The following CHMP3 variants were observed in gnomAD, a reference collection of about 807,000 sequenced individuals.
CHMP3 encodes 25.1 protein.
A neutral mutation model predicts 27.4 loss-of-function variants in CHMP3; 8 were observed. The ratio of observed to expected loss-of-function variants is 0.29; its 90% CI spans 0.17 to 0.53. The LOEUF is 0.53. Among genes scored for constraint, CHMP3 ranks in the 20% least tolerant of loss-of-function variants. CHMP3 has a pLI of 0.96. For synonymous variants in CHMP3, 86 were observed against 85.5 expected (o/e 1.01, Z -0.03); for missense variants, 208 against 271.5 (o/e 0.77, Z 1.64).
chr2:86,554,521 T>G (rs1294767364), intron 1 of CHMP3, among the ~76,000 whole-genome samples: 1 of 152,210 alleles, frequency 6.6e-6, no homozygotes, highest in African/African-American at 2.4e-5. Flanking sequence ...CCTCTAAGAC[T>G]GGCAAAAGTC....
intron 1 of CHMP3, among the ~76,000 whole-genome samples, chr2:86,548,179 C>CTTTTTTTTTT (rs55949258): frequency 1.7e-5 from 2 of 116,070 alleles, no homozygotes; most frequent in Admixed American, 8.8e-5. Flanking sequence ...GAGGAGTTCT[C>CTTTTTTTTTT]TTTTTTTTTT....
At chr2:86,540,147 A>G (rs1432769178) in intron 2 of CHMP3, among the ~76,000 whole-genome samples, 1 of 152,000 alleles carries the variant, frequency 6.6e-6, no homozygotes, top group African/African-American at 2.4e-5. Context: ...TTTGGTTTTC[A>G]GTAATTTGAT....
intron 4 of CHMP3, among the ~76,000 whole-genome samples, chr2:86,509,009 A>C (rs762874793): frequency 1.3e-5 from 2 of 152,232 alleles, no homozygotes; most frequent in Non-Finnish European, 2.9e-5. Flanking sequence ...ACGATTCATC[A>C]AAGTCCTGCT....
rs943434226 is a variant in CHMP3 at position 86,556,460 on chromosome 2, G to A, written c.45+6844C>T. On this transcript the variant is annotated intron_variant, in intron 1 of 5. Transcript: ENST00000263856. ...TTGTAGGAGATCGGTCAGGGTGGTG[G>A]GAAAAATTGTAAAAAGATGCAAAGC... is the stretch of plus-strand genomic sequence containing the variant. Among the ~76,000 whole-genome samples the A allele has an allele frequency of 2.0e-5, 3 of 152,102 alleles. No homozygotes were observed. In the East Asian group the frequency reaches 5.8e-4, roughly 29 times the overall value.
At chr2:86,546,362 G>A (rs1056338453) in intron 1 of CHMP3, among the ~76,000 whole-genome samples, 114 of 142,786 alleles carry the variant, frequency 8.0e-4, no homozygotes, top group Non-Finnish European at 1.5e-3. Context: ...GAGACCCGAA[G>A]GGAGGGGAAG....
chr2:86,507,280 T>TA, intron 5 of CHMP3, 199 bp downstream of exon 5: 1 of 534,524 alleles, frequency 1.9e-6, no homozygotes, highest in South Asian at 2.2e-5. Flanking sequence ...ATGCAAACTC[T>TA]AAAAATTTTA....
intron 1 of CHMP3, among the ~76,000 whole-genome samples, chr2:86,558,870 G>GAA (rs550691701): frequency 0.024 from 2,628 of 108,332 alleles, 71 homozygotes; most frequent in African/African-American, 0.069. Context: ...TCCCTTAAAA[G>GAA]AAAAAAAAAA....
Position 86,558,962 on chromosome 2 carries a change from GA to G in CHMP3, c.45+4341del, listed in dbSNP as rs1677241734. ...ATCAGTGCATCAGCAGTTCTACAGA[GA>G]AAAAAGTATTTCCCATCTGTGATGG... On this transcript the variant is annotated intron_variant, in intron 1 of 5. Transcript: ENST00000263856. 2.0e-5 allele frequency among the ~76,000 whole-genome samples: 3 copies of G among 152,026 alleles called. No homozygotes were observed. The South Asian group carries it at 6.2e-4, about 32-fold the overall frequency.
chr2:86,549,621 C>G (rs1350825644), intron 1 of CHMP3, among the ~76,000 whole-genome samples: 3 of 148,780 alleles, frequency 2.0e-5, no homozygotes, highest in Non-Finnish European at 4.5e-5. Context: ...AAGAGGCACT[C>G]CTCACCTCCC....
chr2:86,532,070 A>G (rs1028831449), intron 2 of CHMP3, among the ~76,000 whole-genome samples: 2 of 152,202 alleles, frequency 1.3e-5, no homozygotes, highest in Non-Finnish European at 2.9e-5. Context: ...AACAATATCT[A>G]ATCTCCCAAT....
chr2:86,561,991 G>A (rs944669519), intron 1 of CHMP3: 1 of 152,164 alleles, frequency 6.6e-6, no homozygotes, highest in Non-Finnish European at 1.5e-5. Context: ...AGAATATACA[G>A]ATGTCACAAA....
rs889734745 is a variant in CHMP3 at position 86,527,481 on chromosome 2, GAATC to G, written c.286+1733_286+1736del. On this transcript the variant is annotated intron_variant, in intron 3 of 5. Transcript: ENST00000263856. ...TTGAGCATGTTGCAGGAAAAATTGA[GAATC>G]AATCTGAATTTTTCAAGCTGGCTAT... Among the ~76,000 whole-genome samples, 9 of 152,238 alleles carry G rather than the reference GAATC, an allele frequency of 5.9e-5. No individual in the cohort carries two copies. In the East Asian group the frequency reaches 1.7e-3, roughly 29 times the overall value.
chr2:86,522,184 T>G (rs779428938), intron 3 of CHMP3, among the ~76,000 whole-genome samples: 12 of 152,150 alleles, frequency 7.9e-5, no homozygotes, highest in Non-Finnish European at 1.6e-4. Flanking sequence ...GGGAACATCT[T>G]AAGAAAGAGG....
intron 3 of CHMP3, among the ~76,000 whole-genome samples, chr2:86,527,824 A>C (rs1321786177): frequency 2.6e-5 from 4 of 152,026 alleles, no homozygotes; most frequent in Admixed American, 1.3e-4. Flanking sequence ...AGCTGGGAGT[A>C]GTGGTGGGCA....
At chr2:86,539,605 C>T (rs1676282542) in intron 2 of CHMP3, among the ~76,000 whole-genome samples, 1 of 152,084 alleles carries the variant, frequency 6.6e-6, no homozygotes, top group Non-Finnish European at 1.5e-5. Context: ...ATATGCAAGG[C>T]TGTGAGACAC....
chr2:86,550,133 C>T (rs984676714), intron 1 of CHMP3, among the ~76,000 whole-genome samples: 6 of 152,164 alleles, frequency 3.9e-5, no homozygotes, highest in African/African-American at 9.7e-5. Context: ...CCCAGCACCC[C>T]GGGAGGCCAC....
intron 3 of CHMP3, among the ~76,000 whole-genome samples, chr2:86,528,193 A>G (rs1423559143): frequency 6.6e-6 from 1 of 152,200 alleles, no homozygotes; most frequent in Non-Finnish European, 1.5e-5. Flanking sequence ...ACAACCAAAT[A>G]ATGCATTAGA....
intron 2 of CHMP3, among the ~76,000 whole-genome samples, chr2:86,536,376 T>C (rs1231771301): frequency 6.6e-6 from 1 of 151,520 alleles, no homozygotes; most frequent in African/African-American, 2.5e-5. Context: ...TACTGTATAA[T>C]GTCCTTTCAT....
chr2:86,529,272 AC>A lies in CHMP3; in HGVS notation c.231del (p.Tyr78MetfsTer7). ...MIRSRKAVSK[L>X]YASKAHMNSV... Reference sequence around the variant, plus strand: ...GAGTTCATGTGTGCTTTGGATGCATACAGCTTGCTCACAGCCTTCCTTGACC... The same window carrying A: ...GAGTTCATGTGTGCTTTGGATGCATAAGCTTGCTCACAGCCTTCCTTGACC... On this transcript the variant is annotated frameshift_variant, in exon 3 of 6. Transcript: ENST00000263856. LOFTEE classifies it high-confidence loss of function. 6.2e-7 allele frequency: 1 copy of A among 1,613,578 alleles called. No homozygotes were observed. The highest frequency in any genetic ancestry group is 1.1e-5 in the South Asian group (1 of 91,010).
Sources: gnomAD v4.1 joint callset for allele counts (sites outside exome capture counted in the v4.1 genomes callset) on GRCh38, gnomAD v4.1.1 for gene constraint, MANE v1.5 for transcripts, NCBI Gene and HGNC (gene_info 2026-07-23, HGNC 2026-07-21) for gene names.